The following BCKDHB variants were observed in gnomAD, a reference collection of about 807,000 sequenced individuals.
The protein encoded by BCKDHB is branched chain keto acid dehydrogenase E1 subunit beta, also known as 2-oxoisovalerate dehydrogenase subunit beta, mitochondrial.
A neutral mutation model predicts 48.5 loss-of-function variants in BCKDHB; 41 were observed. That is an observed-to-expected ratio of 0.85 (90% CI 0.66 to 1.10). The LOEUF is 1.10. BCKDHB is among the 50% of genes least tolerant of loss of function. The pLI, the probability that BCKDHB is intolerant of heterozygous loss-of-function variation, is 0.00. For missense variants in BCKDHB, 496 were observed against 494.2 expected, an observed-to-expected ratio of 1.00 and a Z score of -0.03; for synonymous variants, 201 against 174.8, an observed-to-expected ratio of 1.15 and a Z score of -1.18.
chr6:80,137,692 G>A (rs964514177), intron 3 of BCKDHB, among the ~76,000 whole-genome samples: 1 of 152,066 alleles, frequency 6.6e-6, no homozygotes, highest in East Asian at 1.9e-4. Flanking sequence ...GTCATACCTT[G>A]GGGGGTACCA....
At chr6:80,118,002 T>A (rs1256387742) in intron 1 of BCKDHB, among the ~76,000 whole-genome samples, 1 of 152,160 alleles carries the variant, frequency 6.6e-6, no homozygotes, top group Non-Finnish European at 1.5e-5. Context: ...GAAATCCTCA[T>A]AGACAAGTCA....
chr6:80,357,685 G>T, the BCKDHB span, among the ~76,000 whole-genome samples: 3 of 152,178 alleles, frequency 2.0e-5, no homozygotes, highest in Non-Finnish European at 2.9e-5. Context: ...TCCTGGGCAG[G>T]CCTGGAGTTT....
intron 9 of BCKDHB, among the ~76,000 whole-genome samples, chr6:80,287,954 C>T (rs1582508122): frequency 6.6e-6 from 1 of 152,122 alleles, no homozygotes; most frequent in African/African-American, 2.4e-5. Context: ...GCTACTGCTT[C>T]TTGTTCACTT....
chr6:80,388,543 TG>T, the BCKDHB span, among the ~76,000 whole-genome samples: 37 of 152,190 alleles, frequency 2.4e-4, no homozygotes, highest in African/African-American at 8.2e-4. Flanking sequence ...AGCCATAAAG[TG>T]GGGTATGCAC....
At chr6:80,166,237 A>AT (rs1381138897) in intron 3 of BCKDHB, among the ~76,000 whole-genome samples, 1 of 152,206 alleles carries the variant, frequency 6.6e-6, no homozygotes, top group Non-Finnish European at 1.5e-5. Flanking sequence ...CAACTCTGAC[A>AT]TTACGTTCAG....
At chr6:80,220,182 G>A (rs60398437) in intron 8 of BCKDHB, among the ~76,000 whole-genome samples, 5,415 of 150,422 alleles carry the variant, frequency 0.036, 308 homozygotes, top group African/African-American at 0.12. Flanking sequence ...TTTTTGTCCT[G>A]TTGTGTTTTT....
chr6:80,282,470 C>T (rs902756729), intron 9 of BCKDHB, among the ~76,000 whole-genome samples: 1 of 151,950 alleles, frequency 6.6e-6, no homozygotes, highest in Non-Finnish European at 1.5e-5. Context: ...CAGTGTTGTT[C>T]GTTCGATAGG....
At chr6:80,224,970 TAC>T (rs1254038274) in intron 8 of BCKDHB, among the ~76,000 whole-genome samples, 1 of 152,232 alleles carries the variant, frequency 6.6e-6, no homozygotes, top group African/African-American at 2.4e-5. Flanking sequence ...TTCTAGTTGT[TAC>T]AGTTTTCCAT....
chr6:80,445,147 T>C, the BCKDHB span, among the ~76,000 whole-genome samples: 1 of 152,218 alleles, frequency 6.6e-6, no homozygotes, highest in Non-Finnish European at 1.5e-5. Flanking sequence ...TTATCCTGTT[T>C]GGCTCTATCT....
intron 8 of BCKDHB, among the ~76,000 whole-genome samples, chr6:80,271,559 A>G (rs763834125): frequency 1.6e-4 from 25 of 152,176 alleles, no homozygotes; most frequent in Non-Finnish European, 2.8e-4. Flanking sequence ...GCCTGAGCTC[A>G]GACAAAAAGG....
chr6:80,234,936 C>T (rs991889162), intron 8 of BCKDHB, among the ~76,000 whole-genome samples: 1 of 152,072 alleles, frequency 6.6e-6, no homozygotes. Context: ...AATACATGTT[C>T]TCATTCATAT....
At chr6:80,115,169 A>C (rs531438048) in intron 1 of BCKDHB, among the ~76,000 whole-genome samples, 3 of 151,948 alleles carry the variant, frequency 2.0e-5, no homozygotes, top group Non-Finnish European at 2.9e-5. Context: ...GGGTCTTGCT[A>C]TGTTGCCCAG....
intron 9 of BCKDHB, among the ~76,000 whole-genome samples, chr6:80,342,366 T>C (rs2128019075): frequency 6.6e-6 from 1 of 151,864 alleles, no homozygotes; most frequent in Middle Eastern, 3.4e-3. Flanking sequence ...TTAAAAGTAA[T>C]ATTATTTTCC....
chr6:80,427,043 G>A, the BCKDHB span, among the ~76,000 whole-genome samples: 1 of 151,766 alleles, frequency 6.6e-6, no homozygotes, highest in Non-Finnish European at 1.5e-5. Context: ...AAACATTTAG[G>A]ATTACATTCT....
At chr6:80,456,233 A>C in the BCKDHB span, among the ~76,000 whole-genome samples, 1 of 151,928 alleles carries the variant, frequency 6.6e-6, no homozygotes, top group Non-Finnish European at 1.5e-5. Flanking sequence ...GAAAGAAAGA[A>C]AAAAAACTAC....
intron 3 of BCKDHB, among the ~76,000 whole-genome samples, chr6:80,130,471 C>T (rs1770573084): frequency 6.6e-6 from 1 of 152,104 alleles, no homozygotes; most frequent in South Asian, 2.1e-4. Context: ...CCAGCTTAGT[C>T]TTTTCTTTTC....
chr6:80,316,618 C>T (rs985170642), intron 9 of BCKDHB, among the ~76,000 whole-genome samples: 1 of 152,136 alleles, frequency 6.6e-6, no homozygotes, highest in Non-Finnish European at 1.5e-5. Context: ...ACAAGGAATT[C>T]TTAAAGGGCT....
rs775103745 is a variant in BCKDHB at position 80,343,688 on chromosome 6, GCTC to G, written c.1066_1068del (p.Pro356del). 1 of 1,613,954 alleles carries G rather than the reference GCTC, an allele frequency of 6.2e-7. No individual in the cohort carries two copies. Among genetic ancestry groups the G allele is most frequent in the South Asian group, 1.1e-5 (1 of 91,070 alleles). ...GGAGGAATGTTTCTTGAACCTAGAG[GCTC>G]CTATATCAAGAGTATGTGGTTATGA... On this transcript the variant is annotated inframe_deletion, in exon 10 of 10. Coordinates refer to ENST00000320393, the MANE Select transcript of BCKDHB (RefSeq NM_183050.4).
intron 3 of BCKDHB, among the ~76,000 whole-genome samples, chr6:80,157,877 A>G (rs1414293510): frequency 1.3e-5 from 2 of 152,204 alleles, no homozygotes; most frequent in South Asian, 2.1e-4. Flanking sequence ...CATAGTACAT[A>G]TCTATTTCAA....
Sources: allele counts gnomAD v4.1 joint callset (sites outside exome capture counted in the v4.1 genomes callset), GRCh38; gene constraint gnomAD v4.1.1; transcripts MANE v1.5; gene names NCBI Gene and HGNC (gene_info 2026-07-23, HGNC 2026-07-21).